The following PPP1R13B variants were observed in gnomAD, a reference collection of about 807,000 sequenced individuals.
The protein encoded by PPP1R13B is apoptosis-stimulating of p53 protein 1.
PPP1R13B carries 44 observed loss-of-function variants against 119.8 expected under a neutral mutation model. That is an observed-to-expected ratio of 0.37 (90% CI 0.29 to 0.47). The LOEUF (loss-of-function observed/expected upper bound fraction) is 0.47, where lower values mean the gene tolerates loss of function less well. Ranked by LOEUF, PPP1R13B falls within the 20% of genes least tolerant of loss-of-function variation. PPP1R13B has a pLI of 0.99. For synonymous variants in PPP1R13B, 542 were observed against 561.5 expected (o/e 0.97, Z 0.49); for missense variants, 1,227 against 1,413.5 (o/e 0.87, Z 2.12).
intron 8 of PPP1R13B, among the ~76,000 whole-genome samples, chr14:103,747,570 CAT>C (rs1189438709): frequency 6.6e-6 from 1 of 151,972 alleles, no homozygotes; most frequent in Admixed American, 6.5e-5. Context: ...TGTTTGGTTA[CAT>C]GAGTAAGTTA....
intron 1 of PPP1R13B, among the ~76,000 whole-genome samples, chr14:103,798,694 T>C (rs771639517): frequency 1.3e-5 from 2 of 152,028 alleles, no homozygotes; most frequent in Non-Finnish European, 2.9e-5. Context: ...ATAAAAATCG[T>C]CTAGCCTTAC....
chr14:103,842,906 G>A (rs932643740), intron 1 of PPP1R13B, among the ~76,000 whole-genome samples: 1 of 151,976 alleles, frequency 6.6e-6, no homozygotes, highest in Non-Finnish European at 1.5e-5. Context: ...GAACCCGGGA[G>A]GCGGAGGTTG....
Position 103,738,213 on chromosome 14 carries a change from T to A in PPP1R13B, c.2865-353A>T, listed in dbSNP as rs2084161617. On this transcript the variant is annotated intron_variant, in intron 14 of 16. Transcript: ENST00000202556. This position sits in a 1 kb window ranked among gnomAD's most constrained non-coding sequence, Gnocchi z 5.6. ...TTACCACGATTCAAATGCAGCACAA[T>A]GTCAGCTGTCTGAAAGTTCAAAATA... Among the ~76,000 whole-genome samples the A allele has an allele frequency of 6.6e-6, 1 of 152,236 alleles. No individual in the cohort carries two copies. Among genetic ancestry groups the A allele is most frequent in the South Asian group, 2.1e-4 (1 of 4,834 alleles).
At chr14:103,814,041 G>A (rs1464387624) in intron 1 of PPP1R13B, among the ~76,000 whole-genome samples, 3 of 152,102 alleles carry the variant, frequency 2.0e-5, no homozygotes, top group East Asian at 3.9e-4. Context: ...GGAAAAAGAG[G>A]GTCAGAGAGG....
chr14:103,759,370 C>G (rs990381352), intron 4 of PPP1R13B: 1 of 147,794 alleles, frequency 6.8e-6, no homozygotes, highest in Admixed American at 6.8e-5. Flanking sequence ...CTGAATCTCA[C>G]TCTGTCACCC....
chr14:103,828,370 C>CA (rs35467099), intron 1 of PPP1R13B, among the ~76,000 whole-genome samples: 46,788 of 102,028 alleles, frequency 0.46, 8,991 homozygotes, highest in Non-Finnish European at 0.49. Context: ...ACTCTGTCTC[C>CA]AAAAAAAAAA....
chr14:103,822,527 A>G (rs1007189929), intron 1 of PPP1R13B, among the ~76,000 whole-genome samples: 1 of 152,082 alleles, frequency 6.6e-6, no homozygotes, highest in Admixed American at 6.6e-5. Context: ...ATTCACCCTA[A>G]CTACCTATTT....
intron 2 of PPP1R13B, among the ~76,000 whole-genome samples, chr14:103,785,127 T>C (rs2085428498): frequency 6.6e-6 from 1 of 152,190 alleles, no homozygotes; most frequent in Admixed American, 6.6e-5. Context: ...ACACAAAAAG[T>C]ATCCACGAAA....
At chr14:103,755,633 G>A (rs2084659440) in intron 5 of PPP1R13B, among the ~76,000 whole-genome samples, 1 of 152,122 alleles carries the variant, frequency 6.6e-6, no homozygotes, top group Non-Finnish European at 1.5e-5. Flanking sequence ...ACACTCTAAG[G>A]TAAAACAATA....
At chr14:103,784,583 CAAAAAAAAA>C (rs546875688) in intron 3 of PPP1R13B, among the ~76,000 whole-genome samples, 14 of 60,568 alleles carry the variant, frequency 2.3e-4, no homozygotes, top group Non-Finnish European at 3.2e-4. Context: ...ACTCTGTCTC[CAAAAAAAAA>C]AAAAAAAAAA....
At chr14:103,787,108 C>A (rs1225211610) in intron 2 of PPP1R13B, among the ~76,000 whole-genome samples, 1 of 152,022 alleles carries the variant, frequency 6.6e-6, no homozygotes, top group East Asian at 2.0e-4. Flanking sequence ...CCTGCCTCGG[C>A]TGCCCAAAGT....
At chr14:103,822,388 G>A (rs2086431417) in intron 1 of PPP1R13B, among the ~76,000 whole-genome samples, 1 of 152,024 alleles carries the variant, frequency 6.6e-6, no homozygotes, top group African/African-American at 2.4e-5. Context: ...GCCCTTCTTG[G>A]CCTCCCAAAG....
At position 103,742,086 on chromosome 14, in the gene PPP1R13B, G is replaced by A. The variant is rs778644988; in HGVS notation, c.1526C>T (p.Thr509Ile). Residue 509 changes from threonine (T) to isoleucine (I), a missense_variant, in exon 11 of 17, where the codon ACC (threonine) becomes ATC (isoleucine). Thr to Ile is a moderately conservative substitution (Grantham distance 89). Transcript: ENST00000202556. This position sits in a 1 kb window ranked among gnomAD's most constrained non-coding sequence, Gnocchi z 4.9. ...RPTLLPATGS[T>I]PQPGSSQQIQ... Reference sequence around the variant, plus strand: ...CTGTTGTGAGGAGCCTGGCTGGGGGGTGCTGCCTGTGGCGGGCAGCAGGGT... The same window carrying A: ...CTGTTGTGAGGAGCCTGGCTGGGGGATGCTGCCTGTGGCGGGCAGCAGGGT... 3 of 1,613,766 alleles carry A rather than the reference G, an allele frequency of 1.9e-6. No homozygotes were observed. Among genetic ancestry groups the A allele is most frequent in the Non-Finnish European group, 2.5e-6 (3 of 1,179,980 alleles).
At chr14:103,763,691 G>A (rs914536613) in intron 4 of PPP1R13B, among the ~76,000 whole-genome samples, 1 of 152,058 alleles carries the variant, frequency 6.6e-6, no homozygotes, top group Non-Finnish European at 1.5e-5. Flanking sequence ...CATTGTAACT[G>A]GAAAATTTAG....
intron 8 of PPP1R13B, among the ~76,000 whole-genome samples, chr14:103,748,605 C>G (rs1210585053): frequency 1.3e-5 from 2 of 152,340 alleles, no homozygotes; most frequent in Admixed American, 6.5e-5. Flanking sequence ...ATGCACTCAG[C>G]TCTGCATTCA....
chr14:103,736,224 C>T (rs1227232524), intron 15 of PPP1R13B, 22 bp from the exon 16 acceptor site: 1 of 1,606,188 alleles, frequency 6.2e-7, no homozygotes, highest in Admixed American at 1.7e-5. Context: ...GAGCAATGGT[C>T]AGGCCTCAGC....
Position 103,741,834 on chromosome 14 carries a change from T to C in PPP1R13B, c.1778A>G (p.Tyr593Cys), listed in dbSNP as rs1259659938. The C allele has an allele frequency of 1.2e-6, 2 of 1,614,226 alleles. No homozygotes were observed. The highest frequency in any genetic ancestry group is 1.1e-5 in the South Asian group (1 of 91,090). ...TAAGGCGCTGTGTGCTGCCGGCTGG[T>C]AATTCTTAGGTGGTGTGGCTTGCTG... ...YLQQATPPKN[Y>C]QPAAHSALNK... is the part of the protein sequence containing the mutation. The change falls in exon 11 of 17, where the codon TAC (tyrosine) becomes TGC (cysteine). Residue 593 changes from tyrosine (Y) to cysteine (C), a missense_variant. Transcript: ENST00000202556.
At chr14:103,788,074 T>A (rs1368286697) in intron 2 of PPP1R13B, among the ~76,000 whole-genome samples, 2 of 150,790 alleles carry the variant, frequency 1.3e-5, no homozygotes, top group Non-Finnish European at 1.5e-5. Flanking sequence ...GACTGCACAA[T>A]GCACTCCAGC....
chr14:103,744,493 T>C (rs1001071970), intron 9 of PPP1R13B, among the ~76,000 whole-genome samples: 1 of 152,176 alleles, frequency 6.6e-6, no homozygotes, highest in Admixed American at 6.5e-5. Context: ...TTGTGTGGCA[T>C]CTTTTTCAAA....
Sources: allele counts gnomAD v4.1 joint callset (sites outside exome capture counted in the v4.1 genomes callset), GRCh38; gene constraint gnomAD v4.1.1; non-coding constraint Gnocchi (gnomAD v3.1); transcripts MANE v1.5; gene names NCBI Gene and HGNC (gene_info 2026-07-23, HGNC 2026-07-21).